The following NRG1 variants were observed in gnomAD, a reference collection of about 807,000 sequenced individuals.
NRG1 encodes neuregulin 1, also known as pro-neuregulin-1, membrane-bound isoform.
NRG1 carries 18 observed loss-of-function variants against 63.8 expected under a neutral mutation model. That is an observed-to-expected ratio of 0.28 (90% CI 0.19 to 0.42). The LOEUF (loss-of-function observed/expected upper bound fraction) is 0.42. Among genes scored for constraint, NRG1 ranks in the 10% least tolerant of loss-of-function variants. NRG1 has a pLI of 1.00. For missense variants in NRG1, 762 were observed against 814.7 expected, an observed-to-expected ratio of 0.94 and a Z score of 0.79; for synonymous variants, 302 against 301.3, an observed-to-expected ratio of 1.00 and a Z score of -0.02.
intron 1 of NRG1, among the ~76,000 whole-genome samples, chr8:31,773,207 G>A (rs1311560725): frequency 6.6e-6 from 1 of 152,220 alleles, no homozygotes; most frequent in Non-Finnish European, 1.5e-5. Flanking sequence ...AAAGGGGAAA[G>A]TGTGGCACTG....
chr8:31,665,960 C>T (rs962887313), intron 1 of NRG1, among the ~76,000 whole-genome samples: 1 of 151,390 alleles, frequency 6.6e-6, no homozygotes, highest in Admixed American at 6.6e-5. Context: ...GTCTTTTTGC[C>T]GTTTGGGAAC....
chr8:32,574,536 C>G (rs1289184441), intron 1 of NRG1, among the ~76,000 whole-genome samples: 1 of 151,998 alleles, frequency 6.6e-6, no homozygotes, highest in Non-Finnish European at 1.5e-5. Flanking sequence ...GGTTTAGCAC[C>G]ATTCCTTGGT....
At chr8:31,980,005 T>C (rs549427401) in intron 1 of NRG1, among the ~76,000 whole-genome samples, 2 of 152,214 alleles carry the variant, frequency 1.3e-5, no homozygotes, top group East Asian at 3.9e-4. Flanking sequence ...AATAATTTTA[T>C]TTAACTTTCA....
At chr8:32,476,089 A>C (rs569006208) in intron 1 of NRG1, among the ~76,000 whole-genome samples, 2 of 152,210 alleles carry the variant, frequency 1.3e-5, no homozygotes, top group Non-Finnish European at 2.9e-5. Context: ...GTGGATGTGA[A>C]GGACACACAG....
At chr8:32,030,451 G>T (rs900810815) in intron 1 of NRG1, 2 of 152,154 alleles carry the variant, frequency 1.3e-5, no homozygotes, top group Non-Finnish European at 2.9e-5. Context: ...TGCTGTCTTT[G>T]CTTCTAAGGT....
intron 1 of NRG1, among the ~76,000 whole-genome samples, chr8:31,949,196 A>G (rs1270410772): frequency 6.6e-6 from 1 of 152,204 alleles, no homozygotes; most frequent in Non-Finnish European, 1.5e-5. Flanking sequence ...AATCCTAACA[A>G]ATTCATGAAT....
At chr8:32,545,027 T>C (rs1268918711), upstream of NRG1, among the ~76,000 whole-genome samples, 1 of 152,258 alleles carries the variant, frequency 6.6e-6, no homozygotes, top group Non-Finnish European at 1.5e-5. Context: ...AAGTGACTAT[T>C]TGCAGAATTC....
chr8:31,976,662 G>GGTGTGTGTGTGTGT (rs55763806), intron 1 of NRG1, among the ~76,000 whole-genome samples: 1 of 150,464 alleles, frequency 6.6e-6, no homozygotes, highest in Non-Finnish European at 1.5e-5. Flanking sequence ...ATCTGCCATG[G>GGTGTGTGTGTGTGT]GTGTGTGTGT....
chr8:32,404,461 T>C (rs1402242357), intron 1 of NRG1, among the ~76,000 whole-genome samples: 2 of 152,132 alleles, frequency 1.3e-5, no homozygotes, highest in Non-Finnish European at 2.9e-5. Context: ...ATTCGGTTCA[T>C]GAATATATGA....
At chr8:32,068,752 A>C (rs4332088) in intron 1 of NRG1, among the ~76,000 whole-genome samples, 148,714 of 152,324 alleles carry the variant, frequency 0.98, 72,696 homozygotes, top group East Asian at 1. Context: ...GCAGTGCAAG[A>C]TGTCTTGTTA....
chr8:32,728,166 T>C, intron 6 of NRG1, 88 bp downstream of exon 6: 2 of 1,565,342 alleles, frequency 1.3e-6, no homozygotes, highest in Non-Finnish European at 1.7e-6. Context: ...TTGCTTTTTT[T>C]CCAATTTTGT....
At chr8:32,059,822 CTA>C (rs766828003) in intron 1 of NRG1, among the ~76,000 whole-genome samples, 121 of 151,872 alleles carry the variant, frequency 8.0e-4, no homozygotes, top group Non-Finnish European at 1.5e-3. Flanking sequence ...AACTTTATTT[CTA>C]TCTTTTCTTT....
chr8:32,200,571 G>A (rs567555735), intron 1 of NRG1, among the ~76,000 whole-genome samples: 1 of 151,964 alleles, frequency 6.6e-6, no homozygotes, highest in Non-Finnish European at 1.5e-5. Flanking sequence ...CTTTGTATTT[G>A]AGAACAAGGC....
intron 1 of NRG1, among the ~76,000 whole-genome samples, chr8:31,798,948 GA>G (rs967583540): frequency 2.0e-5 from 3 of 152,186 alleles, no homozygotes; most frequent in African/African-American, 7.2e-5. Flanking sequence ...TTGGGTGAAT[GA>G]AAATTATAGA....
intron 1 of NRG1, among the ~76,000 whole-genome samples, chr8:32,412,399 CCTCTCT>C (rs36067415): frequency 1.5e-4 from 14 of 93,032 alleles, no homozygotes; most frequent in Middle Eastern, 5.6e-3. Flanking sequence ...CTCTCTCTCT[CCTCTCT>C]CTCTCTCTCT....
intron 1 of NRG1, among the ~76,000 whole-genome samples, chr8:31,686,005 GTA>G (rs1228734448): frequency 6.6e-6 from 1 of 152,116 alleles, no homozygotes; most frequent in Non-Finnish European, 1.5e-5. Flanking sequence ...TCTCTTAGGT[GTA>G]TACCTAGGAG....
chr8:32,227,655 C>T (rs10503901), intron 1 of NRG1, among the ~76,000 whole-genome samples: 36,910 of 152,060 alleles, frequency 0.24, 9,308 homozygotes, highest in African/African-American at 0.64. Flanking sequence ...TCACATGAGT[C>T]AAGTTTATAC....
chr8:32,311,081 A>G (rs1372974471), intron 1 of NRG1, among the ~76,000 whole-genome samples: 5 of 152,124 alleles, frequency 3.3e-5, no homozygotes, highest in Non-Finnish European at 7.4e-5. Context: ...TCTTTCTGCT[A>G]TGTAGTACCA....
chr8:31,708,128 C>T (rs933545198), intron 1 of NRG1, among the ~76,000 whole-genome samples: 1 of 152,178 alleles, frequency 6.6e-6, no homozygotes, highest in African/African-American at 2.4e-5. Flanking sequence ...CCTTAAGACA[C>T]GCATTTCTCA....
Sources: gnomAD v4.1 joint callset for allele counts (sites outside exome capture counted in the v4.1 genomes callset) on GRCh38, gnomAD v4.1.1 for gene constraint, MANE v1.5 for transcripts, NCBI Gene and HGNC (gene_info 2026-07-23, HGNC 2026-07-21) for gene names.